The following CPLANE1 variants were observed in gnomAD, a reference collection of about 807,000 sequenced individuals.
CPLANE1 encodes ciliogenesis and planar polarity effector 1.
Under a neutral mutation model 362.5 loss-of-function variants are expected in CPLANE1, and 263 were observed. The observed-to-expected ratio is 0.73, with a 90% confidence interval of 0.66 to 0.80. The LOEUF is 0.80. Ranked by LOEUF, CPLANE1 falls within the 30% of genes least tolerant of loss-of-function variation. The pLI, the probability that CPLANE1 is intolerant of heterozygous loss-of-function variation, is 0.00. For missense variants in CPLANE1, 3,461 were observed against 3,793.4 expected, an observed-to-expected ratio of 0.91 and a Z score of 2.30; for synonymous variants, 1,212 against 1,302.6, an observed-to-expected ratio of 0.93 and a Z score of 1.50.
At chr5:37,186,882 A>G (rs868577590) in intron 23 of CPLANE1, among the ~76,000 whole-genome samples, 13 of 151,772 alleles carry the variant, frequency 8.6e-5, no homozygotes, top group Admixed American at 5.2e-4. Context: ...ACGTGGTAAA[A>G]CCCCGTGTCT....
At chr5:37,087,278 G>T in the CPLANE1 span, among the ~76,000 whole-genome samples, 1 of 152,116 alleles carries the variant, frequency 6.6e-6, no homozygotes, top group Non-Finnish European at 1.5e-5. Context: ...AGTAAGGACA[G>T]CTTTGGTCCC....
intron 16 of CPLANE1, among the ~76,000 whole-genome samples, chr5:37,212,752 A>G (rs773667377): frequency 1.3e-5 from 2 of 152,248 alleles, no homozygotes; most frequent in Non-Finnish European, 2.9e-5. Flanking sequence ...TCCAAATAAA[A>G]TAATAAAAGT....
rs1010409304 is a variant in CPLANE1, at chr5:37,182,753, T to A, written c.5421+7A>T. Reference sequence around the variant, plus strand: ...ATTTGTAAGTAATAAACAATTGATATGCTTACCTTAATAATGGCATTTTTT... The same window carrying A: ...ATTTGTAAGTAATAAACAATTGATAAGCTTACCTTAATAATGGCATTTTTT... On this transcript the variant is annotated splice_region_variant and intron_variant, in intron 26 of 52. Transcript: ENST00000651892. 1 of 1,545,016 alleles carries A rather than the reference T, an allele frequency of 6.5e-7. No individual in the cohort carries two copies. The highest frequency in any genetic ancestry group is 8.9e-7 in the Non-Finnish European group (1 of 1,126,156).
the CPLANE1 span, chr5:37,085,449 A>G: frequency 1.1e-6 from 1 of 882,808 alleles, no homozygotes; most frequent in Non-Finnish European, 2.0e-6. Context: ...CTTTGTGGGC[A>G]CAAAAGGAAT....
intron 8 of CPLANE1, among the ~76,000 whole-genome samples, chr5:37,236,698 T>A (rs1305364583): frequency 6.8e-6 from 1 of 146,660 alleles, no homozygotes; most frequent in African/African-American, 2.5e-5. Flanking sequence ...CTAGGATCTA[T>A]GAGAAACTAA....
intron 46 of CPLANE1, among the ~76,000 whole-genome samples, chr5:37,135,658 C>A (rs946005866): frequency 3.9e-5 from 6 of 152,056 alleles, no homozygotes; most frequent in Admixed American, 3.3e-4. Flanking sequence ...CATGGTGAAA[C>A]CCTGTCTCTA....
chr5:37,082,024 C>T, the CPLANE1 span, among the ~76,000 whole-genome samples: 31 of 150,074 alleles, frequency 2.1e-4, no homozygotes, highest in Admixed American at 1.8e-3. Flanking sequence ...ACCTGGGAGG[C>T]GGAGGTTGCA....
chr5:37,100,356 T>C, the CPLANE1 span, among the ~76,000 whole-genome samples: 1 of 152,204 alleles, frequency 6.6e-6, no homozygotes, highest in South Asian at 2.1e-4. Flanking sequence ...CACCATTTAT[T>C]AAAAAGGGAA....
chr5:37,172,565 G>A (rs1222441084), intron 32 of CPLANE1, among the ~76,000 whole-genome samples: 1 of 152,136 alleles, frequency 6.6e-6, no homozygotes, highest in Non-Finnish European at 1.5e-5. Flanking sequence ...AGAATCAGTG[G>A]TGCTACTAAA....
chr5:37,173,549 C>T (rs539115411), intron 32 of CPLANE1, among the ~76,000 whole-genome samples: 6 of 152,238 alleles, frequency 3.9e-5, no homozygotes, highest in Non-Finnish European at 8.8e-5. Flanking sequence ...AAGCAATCCT[C>T]CTACCTTGAC....
chr5:37,181,108 T>C (rs1782559394), intron 26 of CPLANE1, 103 bp from the exon 27 acceptor site: 1 of 940,018 alleles, frequency 1.1e-6, no homozygotes, highest in East Asian at 2.7e-5. Flanking sequence ...AATAATCCTC[T>C]TATTCATTTA....
rs1561648831 is a variant in CPLANE1 at position 37,221,483 on chromosome 5, T to C, written c.2587A>G (p.Arg863Gly). The C allele has an allele frequency of 1.3e-6, 2 of 1,494,496 alleles. No individual in the cohort carries two copies. Among genetic ancestry groups the C allele is most frequent in the Non-Finnish European group, 1.8e-6 (2 of 1,127,088 alleles). The allele number at this position is 1,494,496 out of a possible 1,614,324, so 92.6% of individuals were successfully genotyped here. The part of the protein sequence containing the change: ...ALQEIEEKGG[R>G]RTYFLQIRYY... ...CGTATCTGAAGAAAATACGTCCTTC[T>C]TCCTCCTGAAACAAGAAGTAAGCTC... Residue 863 changes from arginine (R) to glycine (G), a missense_variant, in exon 15 of 53, where the codon AGA becomes GGA. Around this residue, in one of 2 missense-constraint regions of CPLANE1, gnomAD observed 3,380 missense variants for 3,666.1 expected, o/e 0.92. Transcript: ENST00000651892.
At chr5:37,238,482 C>A (rs1271942045) in intron 8 of CPLANE1, among the ~76,000 whole-genome samples, 1 of 119,500 alleles carries the variant, frequency 8.4e-6, no homozygotes, top group Non-Finnish European at 1.7e-5. Flanking sequence ...AGCGCCCAGC[C>A]TTTTCTTTTT....
chr5:37,186,554 G>A (rs192747899), intron 23 of CPLANE1, among the ~76,000 whole-genome samples, 160 bp from the exon 24 acceptor site: 14 of 152,156 alleles, frequency 9.2e-5, no homozygotes, highest in African/African-American at 3.1e-4. Flanking sequence ...TCTGCTAATA[G>A]GAGTTTAGTA....
At chr5:37,220,255 A>AAG (rs1490908958) in intron 15 of CPLANE1, among the ~76,000 whole-genome samples, 2 of 152,060 alleles carry the variant, frequency 1.3e-5, no homozygotes, top group South Asian at 4.1e-4. Context: ...TATCTCAAAA[A>AAG]AAAAAAAAAC....
At chr5:37,132,531 A>G (rs527295391) in intron 46 of CPLANE1, among the ~76,000 whole-genome samples, 1 of 151,970 alleles carries the variant, frequency 6.6e-6, no homozygotes, top group East Asian at 1.9e-4. Flanking sequence ...ATTTTTCAGT[A>G]GTGACGGGGT....
chr5:37,120,866 G>C (rs994287947), intron 49 of CPLANE1, among the ~76,000 whole-genome samples: 3 of 152,170 alleles, frequency 2.0e-5, no homozygotes, highest in Non-Finnish European at 4.4e-5. Context: ...TACACACACA[G>C]ATGATCTGAT....
chr5:37,234,543 T>C (rs1289188136), intron 8 of CPLANE1, among the ~76,000 whole-genome samples: 1 of 148,508 alleles, frequency 6.7e-6, no homozygotes, highest in African/African-American at 2.5e-5. Flanking sequence ...TCAAGAGGTC[T>C]GGGAGTACAA....
At chr5:37,100,613 A>G in the CPLANE1 span, among the ~76,000 whole-genome samples, 3 of 152,210 alleles carry the variant, frequency 2.0e-5, no homozygotes, top group African/African-American at 7.2e-5. Flanking sequence ...TTGTTGTTCC[A>G]TATGAATTTT....
Sources: allele counts gnomAD v4.1 joint callset (sites outside exome capture counted in the v4.1 genomes callset), GRCh38; gene constraint gnomAD v4.1.1; regional missense constraint gnomAD v4.1.1; transcripts MANE v1.5; gene names NCBI Gene and HGNC (gene_info 2026-07-23, HGNC 2026-07-21).